MIS18A: variants seen among roughly 807,000 people sequenced by gnomAD.
The protein encoded by MIS18A is MIS18 kinetochore protein A.
Under a neutral mutation model 25.0 loss-of-function variants are expected in MIS18A, and 14 were observed. The ratio of observed to expected loss-of-function variants is 0.56; its 90% CI spans 0.37 to 0.88. MIS18A has a LOEUF of 0.88. Among genes scored for constraint, MIS18A ranks in the 40% least tolerant of loss-of-function variants. The probability of loss-of-function intolerance (pLI) is 0.00; values close to 1 mark genes in which losing one functional copy is unlikely to be tolerated. For synonymous variants in MIS18A, 134 were observed against 118.6 expected, an observed-to-expected ratio of 1.13 and a Z score of -0.84; for missense variants, 292 against 290.8, an observed-to-expected ratio of 1.00 and a Z score of -0.03.
At chr21:32,261,442 T>A in the MIS18A span, 1 of 152,204 alleles carries the variant, frequency 6.6e-6, no homozygotes, top group Non-Finnish European at 1.5e-5. Context: ...GGAGGGCTCT[T>A]TGTCACCAAG....
chr21:32,268,531 G>A lies in MIS18A; in HGVS notation c.*506C>T, dbSNP rs1317815720. 6.6e-6 allele frequency: 1 copy of A among 152,258 alleles called. No homozygotes were observed. The highest frequency in any genetic ancestry group is 1.5e-5 in the Non-Finnish European group (1 of 68,080). The allele number at this position is 152,258 out of a possible 1,614,324, so 9.4% of individuals were successfully genotyped here. ...TTTTCAGAGAAGATTCCATGACACT[G>A]TGGGTAGACAAACCTCTAAGATTTT... On this transcript the variant is annotated 3_prime_UTR_variant, in exon 5 of 5. Transcript: ENST00000290130.
chr21:32,272,978 T>C (rs1027816482), intron 2 of MIS18A, among the ~76,000 whole-genome samples: 2 of 152,182 alleles, frequency 1.3e-5, no homozygotes, highest in Non-Finnish European at 2.9e-5. Context: ...CCTAACTTTC[T>C]TCAACTACCA....
the MIS18A span, among the ~76,000 whole-genome samples, chr21:32,223,819 C>A: frequency 6.6e-6 from 1 of 152,068 alleles, no homozygotes; most frequent in Non-Finnish European, 1.5e-5. Flanking sequence ...GACAGAGACA[C>A]AACAAAAAAA....
chr21:32,278,082 G>C (rs759423994), intron 1 of MIS18A: 1 of 152,316 alleles, frequency 6.6e-6, no homozygotes, highest in Non-Finnish European at 1.5e-5. Flanking sequence ...TGGAACAACA[G>C]AGGTAAGAGG....
downstream of MIS18A, among the ~76,000 whole-genome samples, chr21:32,266,967 AACACACACACAC>A (rs199958126): frequency 2.0e-5 from 3 of 149,430 alleles, no homozygotes; most frequent in Non-Finnish European, 3.0e-5. Context: ...GGACAAGTTA[AACACACACACAC>A]ACACACACAC....
the MIS18A span, among the ~76,000 whole-genome samples, chr21:32,183,464 A>G: frequency 6.6e-6 from 1 of 152,250 alleles, no homozygotes; most frequent in Admixed American, 6.5e-5. Context: ...TAAGTATAAT[A>G]TGTAATGATT....
the MIS18A span, among the ~76,000 whole-genome samples, chr21:32,193,235 AC>A: frequency 3.9e-5 from 6 of 152,044 alleles, 1 homozygote; most frequent in South Asian, 1.2e-3. Context: ...TTTCCCAGGG[AC>A]AGTCCTGTCC....
At chr21:32,196,434 C>T in the MIS18A span, among the ~76,000 whole-genome samples, 1 of 151,468 alleles carries the variant, frequency 6.6e-6, no homozygotes, top group Non-Finnish European at 1.5e-5. Flanking sequence ...GGCTTCTCAA[C>T]TCCCATAACT....
the MIS18A span, among the ~76,000 whole-genome samples, chr21:32,227,413 T>C: frequency 6.6e-6 from 1 of 151,560 alleles, no homozygotes; most frequent in Non-Finnish European, 1.5e-5. Context: ...AATAGGATTA[T>C]AACAAAAAAC....
chr21:32,273,154 G>A (rs1367132198), intron 2 of MIS18A, among the ~76,000 whole-genome samples: 2 of 148,874 alleles, frequency 1.3e-5, no homozygotes, highest in African/African-American at 5.0e-5. Context: ...GAGATACATA[G>A]GGCAAAGGTT....
the MIS18A span, among the ~76,000 whole-genome samples, chr21:32,258,849 T>C: frequency 2.4e-5 from 3 of 123,858 alleles, no homozygotes; most frequent in African/African-American, 1.1e-4. Context: ...TTTATTTATT[T>C]ATTTATTTAT....
the MIS18A span, among the ~76,000 whole-genome samples, chr21:32,195,335 T>A: frequency 6.6e-6 from 1 of 152,178 alleles, no homozygotes; most frequent in Non-Finnish European, 1.5e-5. Context: ...TTCAAGAAAA[T>A]CCTCGATTTC....
the MIS18A span, among the ~76,000 whole-genome samples, chr21:32,212,209 G>A: frequency 1.1e-4 from 17 of 152,150 alleles, no homozygotes; most frequent in African/African-American, 3.9e-4. Flanking sequence ...TTCCTCTTAC[G>A]TAAAGTTGTT....
the MIS18A span, among the ~76,000 whole-genome samples, chr21:32,218,192 CAA>C: frequency 5.4e-3 from 304 of 56,372 alleles, 1 homozygote; most frequent in African/African-American, 8.8e-3. Flanking sequence ...GACTCCATCT[CAA>C]AAAAAAAAAA....
chr21:32,274,989 G>T (rs968698634), intron 1 of MIS18A, 93 bp from the exon 2 acceptor site: 15 of 1,063,242 alleles, frequency 1.4e-5, no homozygotes, highest in Non-Finnish European at 2.1e-5. Flanking sequence ...TTTAGAACTC[G>T]GAGGACAAAA....
At chr21:32,217,674 C>T in the MIS18A span, among the ~76,000 whole-genome samples, 1 of 152,096 alleles carries the variant, frequency 6.6e-6, no homozygotes, top group Admixed American at 6.5e-5. Context: ...TCATCATGAT[C>T]CAACTGTCAA....
chr21:32,162,628 A>G, the MIS18A span, among the ~76,000 whole-genome samples: 2 of 152,232 alleles, frequency 1.3e-5, no homozygotes, highest in African/African-American at 2.4e-5. Flanking sequence ...CTAATCAGAC[A>G]TGGAACTTCT....
the MIS18A span, among the ~76,000 whole-genome samples, chr21:32,174,989 T>C: frequency 2.6e-5 from 4 of 152,208 alleles, no homozygotes; most frequent in Non-Finnish European, 4.4e-5. Flanking sequence ...CAGGGATACA[T>C]TCTGACAAAT....
the MIS18A span, among the ~76,000 whole-genome samples, chr21:32,232,126 T>G: frequency 6.6e-6 from 1 of 152,046 alleles, no homozygotes; most frequent in African/African-American, 2.4e-5. Flanking sequence ...TGTACATGTA[T>G]GTATATATCT....
Sources: gnomAD v4.1 joint callset for allele counts (sites outside exome capture counted in the v4.1 genomes callset) on GRCh38, gnomAD v4.1.1 for gene constraint, MANE v1.5 for transcripts, NCBI Gene and HGNC (gene_info 2026-07-23, HGNC 2026-07-21) for gene names.